The following USP12 variants were observed in gnomAD, a reference collection of about 807,000 sequenced individuals.
The protein encoded by USP12 is ubiquitin carboxyl-terminal hydrolase 12.
A neutral mutation model predicts 45.5 loss-of-function variants in USP12; 19 were observed. That is an observed-to-expected ratio of 0.42 (90% CI 0.29 to 0.61). The LOEUF (loss-of-function observed/expected upper bound fraction) is 0.61. Ranked by LOEUF, USP12 falls within the 20% of genes least tolerant of loss-of-function variation. USP12 has a pLI of 0.22. For synonymous variants in USP12, 149 were observed against 148.8 expected, an observed-to-expected ratio of 1.00 and a Z score of -0.01; for missense variants, 242 against 447.7, an observed-to-expected ratio of 0.54 and a Z score of 4.15.
intron 6 of USP12, among the ~76,000 whole-genome samples, chr13:27,082,491 TTTC>T (rs774234173): frequency 6.6e-6 from 1 of 152,218 alleles, no homozygotes; most frequent in Non-Finnish European, 1.5e-5. Flanking sequence ...GCTGTTTTGC[TTTC>T]TTATCATTTG....
chr13:27,171,595 G>C lies in USP12; in HGVS notation c.45C>G (p.Thr15=), dbSNP rs756322951. The C allele has an allele frequency of 5.5e-6, 7 of 1,274,834 alleles. No homozygotes were observed. The Admixed American group carries it at 7.1e-5, about 13-fold the overall frequency. The allele number at this position is 1,274,834 out of a possible 1,614,324, so 79.0% of individuals were successfully genotyped here. A position where few individuals can be genotyped will look rare whatever the true frequency, so the allele number is the denominator to read the frequency against. ...CCGCCCGCTCGCCGCCACCTACCAT[G>C]GTACAGATGGAGGCGAATTTGGAGA... is the stretch of plus-strand genomic sequence containing the variant. ...MTVSKFASIC[T]MGANASALEK... The change falls in exon 1 of 9, where the codon ACC becomes ACG. Residue 15 remains threonine (T), a synonymous_variant. Coordinates refer to ENST00000282344, the MANE Select transcript of USP12 (RefSeq NM_182488.4).
At chr13:27,138,438 T>A (rs1473076802) in intron 1 of USP12, among the ~76,000 whole-genome samples, 2 of 152,160 alleles carry the variant, frequency 1.3e-5, no homozygotes, top group Non-Finnish European at 2.9e-5. Flanking sequence ...AGATGGTGTA[T>A]CCCCTGTATC....
At chr13:27,088,203 G>A (rs1012104270) in intron 6 of USP12, among the ~76,000 whole-genome samples, 2 of 152,138 alleles carry the variant, frequency 1.3e-5, no homozygotes, top group Non-Finnish European at 2.9e-5. Context: ...GGCGGATCAC[G>A]ATGTCAGGAG....
chr13:27,152,631 A>C (rs956234380), intron 1 of USP12, among the ~76,000 whole-genome samples: 2 of 152,212 alleles, frequency 1.3e-5, no homozygotes, highest in African/African-American at 4.8e-5. Flanking sequence ...ATTATATCTC[A>C]ATAAAGCTGT....
At chr13:27,102,515 C>G (rs897542607) in intron 3 of USP12, among the ~76,000 whole-genome samples, 9 of 152,200 alleles carry the variant, frequency 5.9e-5, no homozygotes, top group Non-Finnish European at 1.3e-4. Context: ...CTGACTTTAT[C>G]TTCATCTTAT....
chr13:27,088,268 T>C (rs933070789), intron 6 of USP12, among the ~76,000 whole-genome samples: 3 of 151,752 alleles, frequency 2.0e-5, no homozygotes, highest in Admixed American at 6.6e-5. Context: ...TACAAAAAAT[T>C]AGCCGGGCGT....
Position 27,067,732 on chromosome 13 carries a change from T to C in USP12, c.*1551A>G, listed in dbSNP as rs978278196. ...GTTTTAGCAAAAGGACTTTAGAAAA[T>C]GACAATTTTTTTTAAATTTACTGCC... On this transcript the variant is annotated 3_prime_UTR_variant, in exon 9 of 9. Coordinates refer to ENST00000282344, the MANE Select transcript of USP12 (RefSeq NM_182488.4). The C allele has an allele frequency of 1.3e-5, 2 of 152,114 alleles. No homozygotes were observed. Among genetic ancestry groups the C allele is most frequent in the Non-Finnish European group, 2.9e-5 (2 of 68,014 alleles). 9.4% of individuals were successfully genotyped at this position (152,114 alleles called of 1,614,324 possible).
chr13:27,072,699 G>T (rs1161922953), intron 7 of USP12, among the ~76,000 whole-genome samples: 1 of 152,130 alleles, frequency 6.6e-6, no homozygotes, highest in African/African-American at 2.4e-5. Flanking sequence ...GGAGGTAGAA[G>T]GGAGAGAGGG....
chr13:27,075,465 T>G, intron 6 of USP12, 77 bp from the exon 7 acceptor site: 14 of 1,293,646 alleles, frequency 1.1e-5, no homozygotes, highest in Non-Finnish European at 7.5e-6. Context: ...CTTTACGATA[T>G]CCAATGAACA....
intron 2 of USP12, 127 bp from the exon 3 acceptor site, chr13:27,106,071 G>A: frequency 2.6e-6 from 2 of 756,896 alleles, no homozygotes; most frequent in Non-Finnish European, 2.1e-6. Flanking sequence ...AACACTGACT[G>A]CATTATATTA....
At chr13:27,070,875 G>A (rs1166411660) in intron 8 of USP12, among the ~76,000 whole-genome samples, 196 bp downstream of exon 8, 2 of 152,132 alleles carry the variant, frequency 1.3e-5, no homozygotes, top group Non-Finnish European at 2.9e-5. Context: ...TTCTAGGTGT[G>A]TAAAGGTTAG....
intron 4 of USP12, among the ~76,000 whole-genome samples, chr13:27,095,168 C>T (rs914634531): frequency 6.6e-6 from 1 of 152,052 alleles, no homozygotes; most frequent in African/African-American, 2.4e-5. Context: ...TACAAAGTGT[C>T]CAGCAAGTGG....
rs192524336 is a variant in USP12 at position 27,075,794 on chromosome 13, C to T, written c.735-406G>A. Among the ~76,000 whole-genome samples the T allele has an allele frequency of 4.1e-3, 618 of 152,114 alleles. 7 individuals are homozygous for T. Among genetic ancestry groups the T allele is most frequent in the Middle Eastern group, 0.038 (11 of 292 alleles). On this transcript the variant is annotated intron_variant, in intron 6 of 8. Transcript: ENST00000282344. Reference sequence around the variant, plus strand: ...CCTGTAATCCCAACACTTTGGGAGGCCGAGGCAGGTGGATCACCTGAGGTC... The same window carrying T: ...CCTGTAATCCCAACACTTTGGGAGGTCGAGGCAGGTGGATCACCTGAGGTC...
At chr13:27,107,091 G>A (rs1444374845) in intron 2 of USP12, among the ~76,000 whole-genome samples, 1 of 152,096 alleles carries the variant, frequency 6.6e-6, no homozygotes, top group Non-Finnish European at 1.5e-5. Context: ...TTGGGAGGCC[G>A]AGGCAGGCGG....
At chr13:27,086,586 T>C (rs1031342684) in intron 6 of USP12, among the ~76,000 whole-genome samples, 3 of 152,208 alleles carry the variant, frequency 2.0e-5, no homozygotes, top group Non-Finnish European at 4.4e-5. Context: ...TAAAATTTCA[T>C]GTCTTTAAAA....
intron 2 of USP12, among the ~76,000 whole-genome samples, chr13:27,110,462 C>T (rs924581053): frequency 6.6e-6 from 1 of 152,132 alleles, no homozygotes; most frequent in Non-Finnish European, 1.5e-5. Flanking sequence ...AATAAGATCC[C>T]TCTGCCCCAC....
At chr13:27,112,079 G>A (rs1053261654) in intron 2 of USP12, among the ~76,000 whole-genome samples, 1 of 152,124 alleles carries the variant, frequency 6.6e-6, no homozygotes, top group African/African-American at 2.4e-5. Context: ...CAGTAATGAA[G>A]CACATAAGAT....
chr13:27,157,409 G>C (rs561253803), intron 1 of USP12, among the ~76,000 whole-genome samples: 3 of 152,022 alleles, frequency 2.0e-5, no homozygotes, highest in Non-Finnish European at 2.9e-5. Context: ...GGATGTTCTA[G>C]GTATGATCTC....
rs2137759215 is a variant in USP12, at chr13:27,079,807, C to T, written c.735-4419G>A. Among the ~76,000 whole-genome samples, 2 of 152,308 alleles carry T rather than the reference C, an allele frequency of 1.3e-5. 1 individual carries two copies. Among genetic ancestry groups the T allele is most frequent in the South Asian group, 4.1e-4 (2 of 4,826 alleles). On this transcript the variant is annotated intron_variant, in intron 6 of 8. Transcript: ENST00000282344. ...ACTTAAGAACTTACCAACATCCTGT[C>T]AGCAGAGAAGTCCTGACCACACAGA...
Sources: gnomAD v4.1 joint callset for allele counts (sites outside exome capture counted in the v4.1 genomes callset) on GRCh38, gnomAD v4.1.1 for gene constraint, MANE v1.5 for transcripts, NCBI Gene and HGNC (gene_info 2026-07-23, HGNC 2026-07-21) for gene names.